The following FAM83D variants were observed in gnomAD, a reference collection of about 807,000 sequenced individuals.
The protein encoded by FAM83D is scaffolding CK1 anchoring protein D, also known as protein FAM83D.
FAM83D carries 26 observed loss-of-function variants against 25.4 expected under a neutral mutation model. The observed-to-expected ratio is 1.02, with a 90% CI of 0.75 to 1.42. The LOEUF (loss-of-function observed/expected upper bound fraction) is 1.42, where lower values mean the gene tolerates loss of function less well. Ranked by LOEUF, FAM83D falls within the 40% of genes most tolerant of loss-of-function variation. The probability of loss-of-function intolerance (pLI) is 0.00; values close to 1 mark genes in which losing one functional copy is unlikely to be tolerated. For synonymous variants in FAM83D, 310 were observed against 318.5 expected (o/e 0.97, Z 0.28); for missense variants, 740 against 758.1 (o/e 0.98, Z 0.28).
chr20:38,941,932 A>G, intron 1 of FAM83D, 27 bp from the exon 2 acceptor site: 2 of 1,612,670 alleles, frequency 1.2e-6, no homozygotes, highest in Non-Finnish European at 1.7e-6. Context: ...TAAGCTTATC[A>G]TGTGCTCTTC....
intron 1 of FAM83D, among the ~76,000 whole-genome samples, chr20:38,941,746 A>C (rs766616189): frequency 9.9e-5 from 15 of 152,140 alleles, no homozygotes; most frequent in East Asian, 5.8e-4. Context: ...AGCTAGGCCA[A>C]GTCAAGATTT....
intron 1 of FAM83D, among the ~76,000 whole-genome samples, 159 bp downstream of exon 1, chr20:38,927,084 A>G (rs1209609503): frequency 5.9e-5 from 9 of 151,560 alleles, no homozygotes; most frequent in Non-Finnish European, 8.8e-5. Flanking sequence ...CTCACACCCC[A>G]CTCTGCGTGT....
rs2085761965 is a variant in FAM83D, at chr20:38,952,652, T to C, written c.*132T>C. ...CTTTGTCACCTTTGTTGTCTTTGAATTCTTTAGGCTGCATATTATTTTACA... is the reference window on the plus strand; with the variant it reads ...CTTTGTCACCTTTGTTGTCTTTGAACTCTTTAGGCTGCATATTATTTTACA... On this transcript the variant is annotated 3_prime_UTR_variant, in exon 4 of 4. Transcript: ENST00000619850. The C allele has an allele frequency of 4.0e-6, 4 of 1,012,212 alleles. No homozygotes were observed. The highest frequency in any genetic ancestry group is 4.8e-5 in the Admixed American group (2 of 41,946). The allele number at this position is 1,012,212 out of a possible 1,614,324, so 62.7% of individuals were successfully genotyped here.
intron 2 of FAM83D, among the ~76,000 whole-genome samples, chr20:38,944,805 G>A (rs1429100544): frequency 6.6e-6 from 1 of 152,122 alleles, no homozygotes; most frequent in Non-Finnish European, 1.5e-5. Context: ...CAGGCCTGGT[G>A]GCACACGCCT....
At position 38,932,325 on chromosome 20, in the gene FAM83D, G is replaced by A. The variant is rs186864294; in HGVS notation, c.483+5400G>A. ...TACTTGAGCCCAGGAGTTGGAGGCT[G>A]TAGTAAGCTATGATCATGCCAGTGC... On this transcript the variant is annotated intron_variant, in intron 1 of 3. Transcript: ENST00000619850. 7.2e-5 allele frequency among the ~76,000 whole-genome samples: 11 copies of A among 152,350 alleles called. No homozygotes were observed. In the East Asian group the frequency reaches 1.7e-3, roughly 24 times the overall value.
chr20:38,937,218 C>G (rs977251991), intron 1 of FAM83D, among the ~76,000 whole-genome samples: 6 of 152,224 alleles, frequency 3.9e-5, no homozygotes, highest in Non-Finnish European at 8.8e-5. Context: ...AGTCACCACT[C>G]TCACGACTTT....
intron 1 of FAM83D, among the ~76,000 whole-genome samples, chr20:38,938,272 C>A (rs966466144): frequency 6.6e-6 from 1 of 152,232 alleles, no homozygotes; most frequent in African/African-American, 2.4e-5. Context: ...CATGCCCCTG[C>A]CTCCAGCAGG....
intron 3 of FAM83D, among the ~76,000 whole-genome samples, chr20:38,949,227 T>C (rs1207601388): frequency 6.6e-6 from 1 of 151,306 alleles, no homozygotes; most frequent in Non-Finnish European, 1.5e-5. Context: ...AGTGGCGCCA[T>C]CTTAGCTCAT....
intron 1 of FAM83D, among the ~76,000 whole-genome samples, chr20:38,938,371 AC>A (rs1334774695): frequency 1.3e-5 from 2 of 152,056 alleles, no homozygotes; most frequent in African/African-American, 4.8e-5. Context: ...ACACTCTGTT[AC>A]CCCTGGCTTG....
chr20:38,946,197 C>CAAAAAAAAAAAAAAAAAAA (rs56740383), intron 2 of FAM83D, among the ~76,000 whole-genome samples: 1 of 78,552 alleles, frequency 1.3e-5, no homozygotes, highest in Non-Finnish European at 2.5e-5. Flanking sequence ...GACTCCACCT[C>CAAAAAAAAAAAAAAAAAAA]AAAAAAAAAA....
In FAM83D at chr20:38,938,100, A is replaced by C. The variant is rs897267543; in HGVS notation, c.484-3859A>C. Among the ~76,000 whole-genome samples, 10 of 152,248 alleles carry C rather than the reference A, an allele frequency of 6.6e-5. No homozygotes were observed. In the East Asian group the frequency reaches 1.9e-3, roughly 29 times the overall value. On this transcript the variant is annotated intron_variant, in intron 1 of 3. Transcript: ENST00000619850. ...TGATGGTGTTAAGGACTAGTGTTCA[A>C]ATCCAACGCACAGGAAAGGGTGAGG...
chr20:38,951,934 C>G lies in FAM83D; in HGVS notation c.1172C>G (p.Thr391Ser). The G allele has an allele frequency of 1.2e-6, 2 of 1,614,164 alleles. No homozygotes were observed. Among genetic ancestry groups the G allele is most frequent in the Non-Finnish European group, 1.7e-6 (2 of 1,180,048 alleles). Residue 391 changes from threonine to serine, a missense_variant, in exon 4 of 4, where the codon ACT (threonine) becomes AGT (serine). Around this residue, in one of 3 missense-constraint regions of FAM83D, gnomAD observed 375 missense variants for 403.2 expected, o/e 0.93. Coordinates refer to ENST00000619850, the MANE Select transcript of FAM83D (RefSeq NM_030919.3). ...AGCAGAAAGGCCATTGACGCTGCCA[C>G]TCAAACAGAGCCAGGAGAGGAGATG... ...LQSRKAIDAATQTEPGEEMPG... is the reference protein window; with the variant it reads ...LQSRKAIDAASQTEPGEEMPG...
At chr20:38,948,519 T>G (rs1198588825) in intron 3 of FAM83D, among the ~76,000 whole-genome samples, 1 of 152,216 alleles carries the variant, frequency 6.6e-6, no homozygotes, top group East Asian at 1.9e-4. Context: ...TGACCCACCT[T>G]TGAAGTGTCA....
chr20:38,952,079 G>A lies in FAM83D; in HGVS notation c.1317G>A (p.Ser439=), dbSNP rs755405894. 42 of 1,614,172 alleles carry A rather than the reference G, an allele frequency of 2.6e-5. No homozygotes were observed. The East Asian group carries it at 7.6e-4, about 29-fold the overall frequency. The change falls in exon 4 of 4, where the codon TCG becomes TCA. Residue 439 remains serine, a synonymous_variant. Transcript: ENST00000619850. ...ASSQTTIWSR[S]TTTQTDMDEN... ...CTCAAACCACGATTTGGTCCAGATC[G>A]ACCACTACTCAGACTGACATGGATG...
chr20:38,926,921 G>T lies in FAM83D; in HGVS notation c.479G>T (p.Arg160Leu), dbSNP rs993672151. Reference sequence around the variant, plus strand: ...CTGCGCCAGCAGCTCCGCTCGGCGCGAGAGGTGAGCGGCCCTCCAGGGCCC... The same window carrying T: ...CTGCGCCAGCAGCTCCGCTCGGCGCTAGAGGTGAGCGGCCCTCCAGGGCCC... ...DALRQQLRSA[R>L]EVIAVVMDVF... Residue 160 changes from arginine to leucine, a missense_variant, in exon 1 of 4, where the codon CGA becomes CTA. By Grantham distance (102) the Arg-to-Leu change is moderately radical (BLOSUM62 -2). Coordinates refer to ENST00000619850, the MANE Select transcript of FAM83D (RefSeq NM_030919.3). 6.9e-7 allele frequency: 1 copy of T among 1,452,158 alleles called. No individual in the cohort carries two copies. Among genetic ancestry groups the T allele is most frequent in the Non-Finnish European group, 9.0e-7 (1 of 1,108,606 alleles). The allele number at this position is 1,452,158 out of a possible 1,614,324, so 90.0% of individuals were successfully genotyped here.
intron 3 of FAM83D, among the ~76,000 whole-genome samples, chr20:38,949,319 C>T (rs1056852804): frequency 1.3e-5 from 2 of 151,902 alleles, no homozygotes; most frequent in Admixed American, 6.6e-5. Flanking sequence ...GCCACCATGA[C>T]TGGCTAATTT....
chr20:38,947,913 A>G lies in FAM83D; in HGVS notation c.689A>G (p.Tyr230Cys). 6.2e-7 allele frequency: 1 copy of G among 1,614,180 alleles called. No homozygotes were observed. Among genetic ancestry groups the G allele is most frequent in the Non-Finnish European group, 8.5e-7 (1 of 1,179,994 alleles). Reference sequence around the variant, plus strand: ...CGGACTATCACAGGAAATATCTACTATGCAAGGTCAGGAACTAAGATTATT... The same window carrying G: ...CGGACTATCACAGGAAATATCTACTGTGCAAGGTCAGGAACTAAGATTATT... ...TVRTITGNIY[Y>C]ARSGTKIIGK... is the part of the protein sequence containing the mutation. The change falls in exon 3 of 4, where the codon TAT (tyrosine) becomes TGT (cysteine). Residue 230 changes from tyrosine to cysteine, a missense_variant. By Grantham distance (194) the Tyr-to-Cys change is radical. Transcript: ENST00000619850.
At chr20:38,948,062 A>G in intron 3 of FAM83D, 62 bp downstream of exon 3, 2 of 1,589,530 alleles carry the variant, frequency 1.3e-6, no homozygotes, top group South Asian at 2.3e-5. Flanking sequence ...CATGTCATGT[A>G]AAGGTAAAAG....
intron 1 of FAM83D, among the ~76,000 whole-genome samples, chr20:38,932,448 A>C (rs1399893341): frequency 1.3e-5 from 2 of 152,262 alleles, no homozygotes; most frequent in African/African-American, 2.4e-5. Context: ...GCTGCTTACC[A>C]GGTGCTCAGG....
Sources: gnomAD v4.1 joint callset for allele counts (sites outside exome capture counted in the v4.1 genomes callset) on GRCh38, gnomAD v4.1.1 for gene constraint, gnomAD v4.1.1 regional missense constraint, MANE v1.5 for transcripts, NCBI Gene and HGNC (gene_info 2026-07-23, HGNC 2026-07-21) for gene names.